Variants in MAP4K4 observed in about 807,000 individuals in gnomAD.
The protein encoded by MAP4K4 is HPK/GCK-like kinase HGK.
MAP4K4 carries 38 observed loss-of-function variants against 189.6 expected under a neutral mutation model. The ratio of observed to expected loss-of-function variants is 0.20; its 90% CI spans 0.15 to 0.26. The LOEUF (loss-of-function observed/expected upper bound fraction) is 0.26, where lower values mean the gene tolerates loss of function less well. Ranked by LOEUF, MAP4K4 falls within the 10% of genes least tolerant of loss-of-function variation. MAP4K4 has a pLI of 1.00. For missense variants in MAP4K4, 1,054 were observed against 1,726.9 expected, an observed-to-expected ratio of 0.61 and a Z score of 6.91; for synonymous variants, 610 against 624.3, an observed-to-expected ratio of 0.98 and a Z score of 0.34.
intron 3 of MAP4K4, among the ~76,000 whole-genome samples, chr2:101,795,880 AGTT>A (rs1404459414): frequency 2.5e-4 from 38 of 152,326 alleles, no homozygotes; most frequent in African/African-American, 9.1e-4. Context: ...GTGAATATAA[AGTT>A]CACAGTATTA....
chr2:101,725,595 G>C (rs962399638), intron 2 of MAP4K4, among the ~76,000 whole-genome samples: 2 of 152,166 alleles, frequency 1.3e-5, no homozygotes, highest in African/African-American at 4.8e-5. Context: ...CCTTGGCTCT[G>C]TGTGGTACAC....
chr2:101,712,291 T>A (rs1176788968), intron 2 of MAP4K4, among the ~76,000 whole-genome samples: 1 of 151,918 alleles, frequency 6.6e-6, no homozygotes, highest in Non-Finnish European at 1.5e-5. Context: ...GCCTCCCGGG[T>A]TCAAGTGATT....
exon 33 of MAP4K4, chr2:101,894,059 TA>T (rs1359247724): frequency 1.3e-5 from 2 of 152,378 alleles, no homozygotes; most frequent in Admixed American, 1.3e-4. Context: ...GTTTCTCCGT[TA>T]AAGATTGGGA....
intron 2 of MAP4K4, among the ~76,000 whole-genome samples, chr2:101,782,099 C>T (rs142948846): frequency 1.9e-4 from 29 of 152,300 alleles, no homozygotes; most frequent in African/African-American, 7.0e-4. Context: ...AAGAAAAGTA[C>T]CTTTTAATGT....
intron 2 of MAP4K4, among the ~76,000 whole-genome samples, chr2:101,727,464 C>T (rs183265908): frequency 9.5e-4 from 145 of 152,262 alleles, no homozygotes; most frequent in African/African-American, 3.4e-3. Context: ...ATTGTAATTG[C>T]AGAACTCCCT....
At chr2:101,804,918 A>G (rs1387744008) in intron 3 of MAP4K4, among the ~76,000 whole-genome samples, 2 of 151,950 alleles carry the variant, frequency 1.3e-5, no homozygotes, top group East Asian at 3.9e-4. Flanking sequence ...TACTAAAGAT[A>G]CAAAAATTGG....
intron 2 of MAP4K4, among the ~76,000 whole-genome samples, chr2:101,770,240 ATTTTT>A (rs34574782): frequency 2.7e-5 from 2 of 75,158 alleles, no homozygotes; most frequent in Non-Finnish European, 4.8e-5. Context: ...GTTCATTCTG[ATTTTT>A]TTTTTTTTTT....
rs747629744 is a variant in MAP4K4 at position 101,698,139 on chromosome 2, TGAGTGGGCCCGC to T, written c.57+6_57+17del. The T allele has an allele frequency of 4.4e-4, 542 of 1,226,104 alleles. 1 individual carries two copies. The highest frequency in any genetic ancestry group is 1.3e-3 in the South Asian group (82 of 63,384). The allele number at this position is 1,226,104 out of a possible 1,614,324, so 76.0% of individuals were successfully genotyped here. On this transcript the variant is annotated splice_donor_5th_base_variant and intron_variant, in intron 1 of 32. Coordinates refer to ENST00000324219, the Ensembl canonical transcript of MAP4K4. ...GACATCGACCTCTCCTCCCTGCGGGTGAGTGGGCCCGCGAGCGGGCGCGCGGGGAGCGGGCAG... is the reference window on the plus strand; with the variant it reads ...GACATCGACCTCTCCTCCCTGCGGGTGAGCGGGCGCGCGGGGAGCGGGCAG...
chr2:101,741,095 A>G (rs1400761749), intron 2 of MAP4K4, among the ~76,000 whole-genome samples: 1 of 151,920 alleles, frequency 6.6e-6, no homozygotes, highest in Non-Finnish European at 1.5e-5. Flanking sequence ...TTGGAGCACT[A>G]CTGTATTATA....
At chr2:101,810,734 T>G (rs1037938563) in intron 3 of MAP4K4, among the ~76,000 whole-genome samples, 4 of 152,240 alleles carry the variant, frequency 2.6e-5, no homozygotes, top group Non-Finnish European at 5.9e-5. Context: ...TTAAAAGTTC[T>G]AAGACTTACA....
intron 12 of MAP4K4, among the ~76,000 whole-genome samples, chr2:101,848,183 G>C (rs146307691): frequency 1.5e-4 from 23 of 152,310 alleles, no homozygotes; most frequent in African/African-American, 5.3e-4. Context: ...ACACATGACT[G>C]TACTTTATAT....
chr2:101,791,044 C>T (rs1051710368), intron 3 of MAP4K4, among the ~76,000 whole-genome samples: 34 of 151,994 alleles, frequency 2.2e-4, no homozygotes. Flanking sequence ...CGTAATGGGA[C>T]ATAATTGGAA....
chr2:101,700,457 T>C (rs2037769962), intron 2 of MAP4K4, among the ~76,000 whole-genome samples: 1 of 152,210 alleles, frequency 6.6e-6, no homozygotes, highest in African/African-American at 2.4e-5. Flanking sequence ...ACCTAGGGAA[T>C]TAAATCTGTG....
chr2:101,796,682 C>G (rs992985031), intron 3 of MAP4K4, among the ~76,000 whole-genome samples: 7 of 152,120 alleles, frequency 4.6e-5, no homozygotes, highest in African/African-American at 1.4e-4. Context: ...AGCAGACTTT[C>G]TTTTAGTTTT....
At chr2:101,702,031 A>G (rs1299934010) in intron 2 of MAP4K4, among the ~76,000 whole-genome samples, 1 of 151,922 alleles carries the variant, frequency 6.6e-6, no homozygotes, top group Non-Finnish European at 1.5e-5. Context: ...ACGTCCAGCT[A>G]ATTTTTGTAT....
intron 2 of MAP4K4, among the ~76,000 whole-genome samples, chr2:101,713,130 C>T (rs1369646133): frequency 6.6e-6 from 1 of 151,356 alleles, no homozygotes; most frequent in African/African-American, 2.4e-5. Flanking sequence ...ATCTCAAACT[C>T]CTGACCTCAG....
At chr2:101,803,176 C>T (rs563711254) in intron 3 of MAP4K4, among the ~76,000 whole-genome samples, 45 of 152,198 alleles carry the variant, frequency 3.0e-4, no homozygotes, top group Middle Eastern at 6.8e-3. Context: ...AACAGTGCCT[C>T]CCCTTCTTTT....
chr2:101,820,306 G>T (rs556049231), intron 3 of MAP4K4, among the ~76,000 whole-genome samples: 6 of 152,182 alleles, frequency 3.9e-5, no homozygotes. Flanking sequence ...GCCACTGCAG[G>T]GAGTGGAGGT....
At chr2:101,781,021 G>A (rs1379197060) in intron 2 of MAP4K4, among the ~76,000 whole-genome samples, 4 of 152,176 alleles carry the variant, frequency 2.6e-5, no homozygotes, top group African/African-American at 4.8e-5. Flanking sequence ...GAGCAGCTGC[G>A]TATGTGTAGT....
Sources: allele counts gnomAD v4.1 joint callset (sites outside exome capture counted in the v4.1 genomes callset), GRCh38; gene constraint gnomAD v4.1.1; transcripts MANE v1.5; gene names NCBI Gene and HGNC (gene_info 2026-07-23, HGNC 2026-07-21).